Variants in CECR2 observed in about 807,000 individuals in gnomAD.
The protein encoded by CECR2 is chromatin remodeling regulator CECR2.
CECR2 carries 30 observed loss-of-function variants against 154.5 expected under a neutral mutation model. That is an observed-to-expected ratio of 0.19 (90% confidence interval 0.15 to 0.26). CECR2 has a LOEUF of 0.26. Among genes scored for constraint, CECR2 ranks in the 10% least tolerant of loss-of-function variants. The pLI is 1.00. For synonymous variants in CECR2, 725 were observed against 683.7 expected (o/e 1.06, Z -0.94); for missense variants, 1,743 against 1,829.3 (o/e 0.95, Z 0.86).
intron 1 of CECR2, among the ~76,000 whole-genome samples, chr22:17,397,965 T>A (rs914732549): frequency 2.0e-5 from 3 of 152,136 alleles, no homozygotes; most frequent in African/African-American, 7.2e-5. Context: ...AGTGGTCCTG[T>A]TGGATTGTTC....
chr22:17,374,999 G>C (rs1388347431), intron 1 of CECR2, among the ~76,000 whole-genome samples: 2 of 152,098 alleles, frequency 1.3e-5, no homozygotes, highest in Admixed American at 6.6e-5. Context: ...AGATTCCACA[G>C]TGCACCTCTA....
chr22:17,506,174 C>G (rs1005770363), intron 7 of CECR2, among the ~76,000 whole-genome samples: 2 of 151,908 alleles, frequency 1.3e-5, no homozygotes, highest in East Asian at 3.9e-4. Flanking sequence ...GGGTCTTGCT[C>G]TATTTCCCAA....
At chr22:17,450,121 CT>C (rs1419485924) in intron 1 of CECR2, among the ~76,000 whole-genome samples, 1 of 152,174 alleles carries the variant, frequency 6.6e-6, no homozygotes, top group Non-Finnish European at 1.5e-5. Flanking sequence ...TGAACTTGCC[CT>C]TTTAGCCTTC....
chr22:17,465,088 C>G (rs2055006915), intron 1 of CECR2, among the ~76,000 whole-genome samples: 1 of 151,840 alleles, frequency 6.6e-6, no homozygotes, highest in Non-Finnish European at 1.5e-5. Context: ...GCCCCGCCTC[C>G]TGGGTTCACG....
At chr22:17,398,034 C>T (rs1447429947) in intron 1 of CECR2, among the ~76,000 whole-genome samples, 7 of 152,026 alleles carry the variant, frequency 4.6e-5, no homozygotes, top group Admixed American at 4.6e-4. Context: ...GGAACAAGCC[C>T]CTCTTTCATC....
intron 1 of CECR2, among the ~76,000 whole-genome samples, chr22:17,449,736 G>T (rs546263917): frequency 6.6e-5 from 10 of 152,068 alleles, no homozygotes; most frequent in African/African-American, 2.4e-4. Context: ...TGATCTGCCC[G>T]CCTCGGCCTC....
At position 17,519,909 on chromosome 22, in the gene CECR2, GC is replaced by G. The variant is rs376839010; in HGVS notation, c.955-4203del. On this transcript the variant is annotated intron_variant, in intron 8 of 18. Transcript: ENST00000262608. The stretch of plus-strand genomic sequence containing the variant: ...AGGTTCAAGCGATTTTCCTGCCTCA[GC>G]CCCCCAAGTAGCTGGGACTACAGGC... 8.8e-4 allele frequency among the ~76,000 whole-genome samples: 133 copies of G among 151,516 alleles called. 1 individual carries two copies. The South Asian group carries it at 0.027, about 31-fold the overall frequency.
At chr22:17,402,013 T>A (rs951420201) in intron 1 of CECR2, among the ~76,000 whole-genome samples, 2 of 152,118 alleles carry the variant, frequency 1.3e-5, no homozygotes, top group African/African-American at 4.8e-5. Context: ...AGACAGAGTC[T>A]CGCTCTTTTG....
chr22:17,498,262 G>T (rs1024589775), intron 3 of CECR2, among the ~76,000 whole-genome samples: 1 of 152,140 alleles, frequency 6.6e-6, no homozygotes, highest in African/African-American at 2.4e-5. Context: ...GTGGTGGCAG[G>T]CGCCTGTAGT....
At chr22:17,448,217 A>G (rs996570966) in intron 1 of CECR2, among the ~76,000 whole-genome samples, 2 of 152,196 alleles carry the variant, frequency 1.3e-5, no homozygotes, top group Non-Finnish European at 2.9e-5. Flanking sequence ...AGATGTGTGT[A>G]CTACACATCC....
chr22:17,370,466 G>A lies in CECR2; in HGVS notation c.126+557G>A, dbSNP rs374686192. On this transcript the variant is annotated intron_variant, in intron 1 of 18. Transcript: ENST00000262608. ...CCCGGGAGGCGCTCCGGCCAACTTC[G>A]GGCCGGTGGGGACCGGGCCTGGGCG... Among the ~76,000 whole-genome samples, 4 of 152,062 alleles carry A rather than the reference G, an allele frequency of 2.6e-5. No individual in the cohort carries two copies. The East Asian group carries it at 7.8e-4, about 30-fold the overall frequency.
intron 1 of CECR2, among the ~76,000 whole-genome samples, chr22:17,423,359 T>A (rs1456562735): frequency 6.6e-6 from 1 of 152,044 alleles, no homozygotes. Context: ...TACAAAAAAT[T>A]AGTTGTGTGT....
chr22:17,552,857 GC>G lies in CECR2; in HGVS notation c.*21del, dbSNP rs2056730347. ...CAGAGCTAGTCCAAGGAGGAAATGA[GC>G]CCCAAGCAATGGAAAGCTGCACACG... On this transcript the variant is annotated 3_prime_UTR_variant, in exon 19 of 19. Coordinates refer to ENST00000262608, the MANE Select transcript of CECR2 (RefSeq NM_001290047.2). The G allele has an allele frequency of 6.5e-7, 1 of 1,537,582 alleles. No homozygotes were observed. The highest frequency in any genetic ancestry group is 8.8e-7 in the Non-Finnish European group (1 of 1,140,404).
At chr22:17,518,564 A>G in intron 8 of CECR2, 1 of 302,612 alleles carries the variant, frequency 3.3e-6, no homozygotes, top group Non-Finnish European at 6.6e-6. Context: ...CTTCTCTGCA[A>G]CTGTCTTCCT....
chr22:17,362,577 T>A (rs2062982461), intron 1 of CECR2, among the ~76,000 whole-genome samples: 1 of 152,132 alleles, frequency 6.6e-6, no homozygotes, highest in Non-Finnish European at 1.5e-5. Flanking sequence ...TGATTACATG[T>A]TGAAATAATA....
intron 7 of CECR2, among the ~76,000 whole-genome samples, chr22:17,510,663 A>G (rs576606691): frequency 1.4e-4 from 21 of 152,174 alleles, no homozygotes; most frequent in Admixed American, 4.6e-4. Flanking sequence ...GTGCAGTGGC[A>G]TGATGTCGGC....
intron 1 of CECR2, among the ~76,000 whole-genome samples, chr22:17,397,351 C>G (rs1569054920): frequency 6.6e-6 from 1 of 152,164 alleles, no homozygotes. Flanking sequence ...AGGCTGGTCT[C>G]GAACTCCTGA....
chr22:17,443,947 A>G (rs1218258483), intron 1 of CECR2, among the ~76,000 whole-genome samples: 2 of 152,184 alleles, frequency 1.3e-5, no homozygotes, highest in African/African-American at 4.8e-5. Context: ...GAATGAGATG[A>G]CTAAAGGCAA....
chr22:17,447,881 T>TTTTTTG (rs1555910674), intron 1 of CECR2, among the ~76,000 whole-genome samples: 4 of 151,700 alleles, frequency 2.6e-5, no homozygotes, highest in African/African-American at 9.7e-5. Flanking sequence ...AGTGTTTTTT[T>TTTTTTG]TTTGTTTGTT....
Sources: allele counts gnomAD v4.1 joint callset (sites outside exome capture counted in the v4.1 genomes callset), GRCh38; gene constraint gnomAD v4.1.1; transcripts MANE v1.5; gene names NCBI Gene and HGNC (gene_info 2026-07-23, HGNC 2026-07-21).